XIRP2: variants seen among roughly 807,000 people sequenced by gnomAD.
XIRP2 encodes xin actin-binding repeat-containing protein 2.
A neutral mutation model predicts 277.0 loss-of-function variants in XIRP2; 236 were observed. The ratio of observed to expected loss-of-function variants is 0.85; its 90% CI spans 0.77 to 0.95. XIRP2 has a LOEUF of 0.95. XIRP2 is among the 40% of genes least tolerant of loss of function. The pLI, the probability that XIRP2 is intolerant of heterozygous loss-of-function variation, is 0.00. For missense variants in XIRP2, 4,640 were observed against 4,157.5 expected, an observed-to-expected ratio of 1.12 and a Z score of -3.19; for synonymous variants, 1,490 against 1,416.5, an observed-to-expected ratio of 1.05 and a Z score of -1.17.
chr2:166,903,721 C>G lies in XIRP2; in HGVS notation c.239C>G (p.Ser80Cys). 6.2e-7 allele frequency: 1 copy of G among 1,613,664 alleles called. No individual in the cohort carries two copies. The highest frequency in any genetic ancestry group is 1.3e-5 in the African/African-American group (1 of 75,004). ...MWSSKPEEKD[S>C]VDKSNNTREY... The stretch of plus-strand genomic sequence containing the variant: ...AGTTCGAAGCCGGAAGAGAAGGATT[C>G]TGTGGACAAGAGTAACAACACCAGG... The change falls in exon 2 of 11, where the codon TCT becomes TGT. Residue 80 changes from serine to cysteine, a missense_variant. Ser to Cys is a moderately radical substitution (Grantham distance 112). Transcript: ENST00000409195.
At chr2:166,978,008 CAA>C (rs1057000704) in intron 2 of XIRP2, among the ~76,000 whole-genome samples, 8 of 152,026 alleles carry the variant, frequency 5.3e-5, no homozygotes, top group African/African-American at 1.9e-4. Context: ...ATTTATAATT[CAA>C]GTCTAATTAA....
chr2:166,937,524 G>A (rs558090252), intron 2 of XIRP2, among the ~76,000 whole-genome samples: 43 of 152,194 alleles, frequency 2.8e-4, no homozygotes, highest in African/African-American at 7.2e-4. Context: ...TTTTTGCATC[G>A]ATGTTCCTCA....
rs372322437 is a variant in XIRP2, at chr2:167,247,822, C to T, written c.6430C>T (p.Pro2144Ser). 3 of 1,613,208 alleles carry T rather than the reference C, an allele frequency of 1.9e-6. No homozygotes were observed. The highest frequency in any genetic ancestry group is 2.5e-6 in the Non-Finnish European group (3 of 1,179,680). Residue 2144 changes from proline (P) to serine (S), a missense_variant, in exon 9 of 11, where the codon CCT (proline) becomes TCT (serine). Coordinates refer to ENST00000409195, the MANE Select transcript of XIRP2 (RefSeq NM_152381.6). ...AATGGAGGGTTTTCATATAAAGAGT[C>T]CTAAAAAGACCAAAAATATTAAAAT... ...QKMEGFHIKS[P>S]KKTKNIKILT...
intron 2 of XIRP2, among the ~76,000 whole-genome samples, chr2:166,982,246 AT>A (rs1209188836): frequency 6.7e-6 from 1 of 150,214 alleles, no homozygotes; most frequent in Non-Finnish European, 1.5e-5. Context: ...CAATTTGTCA[AT>A]TTTTTCTAAG....
At chr2:167,237,321 A>G (rs1694928472) in intron 5 of XIRP2, among the ~76,000 whole-genome samples, 2 of 152,170 alleles carry the variant, frequency 1.3e-5, no homozygotes, top group Non-Finnish European at 1.5e-5. Context: ...TTCTATTCCA[A>G]ATATTTTGCA....
At chr2:166,930,017 A>G (rs888624663) in intron 2 of XIRP2, among the ~76,000 whole-genome samples, 20 of 152,160 alleles carry the variant, frequency 1.3e-4, no homozygotes, top group African/African-American at 4.6e-4. Flanking sequence ...TATAGCTAGG[A>G]TTCAGAATCA....
chr2:167,071,307 A>G (rs1171606283), intron 2 of XIRP2, among the ~76,000 whole-genome samples: 1 of 152,092 alleles, frequency 6.6e-6, no homozygotes, highest in Non-Finnish European at 1.5e-5. Flanking sequence ...CAGAAAAGTT[A>G]ATGAATTAAC....
intron 2 of XIRP2, among the ~76,000 whole-genome samples, chr2:167,096,281 G>A (rs1048215628): frequency 6.6e-6 from 1 of 151,868 alleles, no homozygotes; most frequent in Non-Finnish European, 1.5e-5. Flanking sequence ...TCTTGGGAAG[G>A]TGTATGTGTC....
At chr2:166,928,131 G>T (rs979528253) in intron 2 of XIRP2, among the ~76,000 whole-genome samples, 26 of 152,234 alleles carry the variant, frequency 1.7e-4, no homozygotes, top group Admixed American at 1.4e-3. Context: ...TGGCAGAAAA[G>T]CCCTGAGGTT....
chr2:167,031,184 C>A (rs1248622912), intron 2 of XIRP2, among the ~76,000 whole-genome samples: 1 of 151,952 alleles, frequency 6.6e-6, no homozygotes, highest in Non-Finnish European at 1.5e-5. Context: ...GGCATTTAGC[C>A]CATTTACAGT....
chr2:167,199,210 C>A, intron 3 of XIRP2, among the ~76,000 whole-genome samples: 1 of 152,128 alleles, frequency 6.6e-6, no homozygotes, highest in East Asian at 1.9e-4. Flanking sequence ...TCCTAAAACA[C>A]ATTCAGATAC....
At chr2:167,085,401 G>GA (rs977613549) in intron 2 of XIRP2, among the ~76,000 whole-genome samples, 1 of 149,802 alleles carries the variant, frequency 6.7e-6, no homozygotes, top group African/African-American at 2.4e-5. Context: ...GTGTGGTGCT[G>GA]AAAAAAATGT....
At chr2:167,229,015 G>A (rs1159956036) in intron 5 of XIRP2, among the ~76,000 whole-genome samples, 2 of 152,108 alleles carry the variant, frequency 1.3e-5, no homozygotes, top group East Asian at 3.9e-4. Context: ...CTCATCACAA[G>A]GCCCTGAGTT....
chr2:167,234,585 A>G (rs1005552474), intron 5 of XIRP2, among the ~76,000 whole-genome samples: 1 of 151,730 alleles, frequency 6.6e-6, no homozygotes, highest in Non-Finnish European at 1.5e-5. Flanking sequence ...TTTCAAAGAA[A>G]AAAGTCACTA....
chr2:167,123,274 AT>A (rs1490179516), intron 2 of XIRP2, among the ~76,000 whole-genome samples: 1 of 152,144 alleles, frequency 6.6e-6, no homozygotes, highest in African/African-American at 2.4e-5. Flanking sequence ...TAATTCATCC[AT>A]TGGGGGTGGT....
chr2:167,060,321 A>G (rs1278422628), intron 2 of XIRP2, among the ~76,000 whole-genome samples: 1 of 152,114 alleles, frequency 6.6e-6, no homozygotes, highest in African/African-American at 2.4e-5. Context: ...TAAAATCTCT[A>G]TTACCCCCTT....
chr2:167,169,819 A>G (rs1692632336), intron 3 of XIRP2, among the ~76,000 whole-genome samples: 1 of 152,158 alleles, frequency 6.6e-6, no homozygotes, highest in Admixed American at 6.6e-5. Context: ...TATTAGTTAT[A>G]GTAATTTTTG....
At chr2:167,205,705 A>AT (rs1693835507) in intron 3 of XIRP2, among the ~76,000 whole-genome samples, 1 of 152,156 alleles carries the variant, frequency 6.6e-6, no homozygotes, top group South Asian at 2.1e-4. Context: ...TGTCCAATAT[A>AT]TTTTTTAATT....
At chr2:166,926,370 G>C (rs1257574406) in intron 2 of XIRP2, among the ~76,000 whole-genome samples, 2 of 151,938 alleles carry the variant, frequency 1.3e-5, no homozygotes, top group Non-Finnish European at 2.9e-5. Flanking sequence ...CTAAAATGTA[G>C]ATAGCTACTG....
Sources: allele counts gnomAD v4.1 joint callset (sites outside exome capture counted in the v4.1 genomes callset), GRCh38; gene constraint gnomAD v4.1.1; transcripts MANE v1.5; gene names NCBI Gene and HGNC (gene_info 2026-07-23, HGNC 2026-07-21).